RANBP3: variants seen among roughly 807,000 people sequenced by gnomAD.
RANBP3 encodes RAN binding protein 3.
RANBP3 carries 14 observed loss-of-function variants against 77.3 expected under a neutral mutation model. That is an observed-to-expected ratio of 0.18 (90% CI 0.12 to 0.28). The LOEUF (loss-of-function observed/expected upper bound fraction) is 0.28. Among genes scored for constraint, RANBP3 ranks in the 10% least tolerant of loss-of-function variants. The pLI is 1.00. For synonymous variants in RANBP3, 315 were observed against 312.4 expected (o/e 1.01, Z -0.09); for missense variants, 586 against 752.3 (o/e 0.78, Z 2.59).
At chr19:5,948,389 C>CT (rs762966656) in intron 3 of RANBP3, among the ~76,000 whole-genome samples, 1 of 151,268 alleles carries the variant, frequency 6.6e-6, no homozygotes, top group Non-Finnish European at 1.5e-5. Flanking sequence ...GGAGGCGGAG[C>CT]TTGCAGTGAG....
At chr19:5,941,277 C>T in intron 5 of RANBP3, among the ~76,000 whole-genome samples, 1 of 152,220 alleles carries the variant, frequency 6.6e-6, no homozygotes, top group African/African-American at 2.4e-5. Flanking sequence ...AACCCCCAGT[C>T]TGTGTCCAGC....
At chr19:5,976,172 CCTAA>C (rs761866358) in intron 1 of RANBP3, among the ~76,000 whole-genome samples, 8 of 152,228 alleles carry the variant, frequency 5.3e-5, no homozygotes, top group South Asian at 2.1e-4. Flanking sequence ...AATGGACCTG[CCTAA>C]CTAACTACAA....
intron 2 of RANBP3, among the ~76,000 whole-genome samples, chr19:5,956,161 C>A (rs1434906430): frequency 6.6e-6 from 1 of 152,098 alleles, no homozygotes; most frequent in East Asian, 1.9e-4. Flanking sequence ...AACAAAAAAA[C>A]ACAGGTGGCA....
chr19:5,927,140 T>C (rs535551224), intron 9 of RANBP3, among the ~76,000 whole-genome samples: 4 of 152,234 alleles, frequency 2.6e-5, no homozygotes, highest in East Asian at 3.9e-4. Flanking sequence ...CCAGTGGAGC[T>C]GCTAGAGATG....
At chr19:5,927,179 G>GTTCCCA (rs2057922801) in intron 9 of RANBP3, among the ~76,000 whole-genome samples, 1 of 152,166 alleles carries the variant, frequency 6.6e-6, no homozygotes, top group Non-Finnish European at 1.5e-5. Context: ...CTGTGGCTGG[G>GTTCCCA]AAAGGTGGTG....
Position 5,951,611 on chromosome 19 carries a change from G to C in RANBP3, c.79-15C>G. ...TCTGCAGGGGACTGGGAGCAAAAAA[G>C]ACAATTTTCCTTCAATGTGAATAAA... On this transcript the variant is annotated splice_polypyrimidine_tract_variant and intron_variant, in intron 2 of 16. Coordinates refer to ENST00000340578, the MANE Select transcript of RANBP3 (RefSeq NM_007322.3). 1 of 1,608,374 alleles carries C rather than the reference G, an allele frequency of 6.2e-7. No individual in the cohort carries two copies. Among genetic ancestry groups the C allele is most frequent in the Non-Finnish European group, 8.5e-7 (1 of 1,177,142 alleles).
chr19:5,964,946 C>A (rs1181118486), intron 1 of RANBP3, among the ~76,000 whole-genome samples: 1 of 151,418 alleles, frequency 6.6e-6, no homozygotes, highest in African/African-American at 2.4e-5. Flanking sequence ...TGTAGAAGCT[C>A]CTAGGAAGGA....
intron 3 of RANBP3, among the ~76,000 whole-genome samples, chr19:5,947,585 A>C (rs969291687): frequency 6.6e-6 from 1 of 152,228 alleles, no homozygotes; most frequent in African/African-American, 2.4e-5. Flanking sequence ...GCAGAAGAGA[A>C]AGAAGACCAG....
At chr19:5,935,461 G>A (rs1264087578) in intron 5 of RANBP3, among the ~76,000 whole-genome samples, 1 of 152,248 alleles carries the variant, frequency 6.6e-6, no homozygotes, top group African/African-American at 2.4e-5. Context: ...TGCAGAAGAC[G>A]ACTGGCAATT....
chr19:5,931,375 A>G (rs1224330758), intron 8 of RANBP3, 29 bp downstream of exon 8: 2 of 1,587,544 alleles, frequency 1.3e-6, no homozygotes, highest in East Asian at 2.3e-5. Context: ...CCTAGCATGC[A>G]GCGCTTCCCT....
chr19:5,972,633 G>A (rs1210559921), intron 1 of RANBP3, among the ~76,000 whole-genome samples: 2 of 152,086 alleles, frequency 1.3e-5, no homozygotes, highest in Non-Finnish European at 2.9e-5. Context: ...TTTGAGGAAC[G>A]GCGCTCTCTT....
chr19:5,949,795 G>A (rs143538445), intron 3 of RANBP3, among the ~76,000 whole-genome samples: 444 of 152,266 alleles, frequency 2.9e-3, no homozygotes, highest in Middle Eastern at 0.014. Context: ...ATGTGGACGA[G>A]GTGAGGCCCC....
chr19:5,927,839 G>T lies in RANBP3; in HGVS notation c.813+129C>A, dbSNP rs1315654595. 8 of 1,228,054 alleles carry T rather than the reference G, an allele frequency of 6.5e-6. No individual in the cohort carries two copies. The African/African-American group carries it at 1.2e-4, about 19-fold the overall frequency. The allele number at this position is 1,228,054 out of a possible 1,614,324, so 76.1% of individuals were successfully genotyped here. Reference sequence around the variant, plus strand: ...AGCAGACTGTGCCGTGAGCCATGGGGCTGCCTCGCTAACACCTTCTTTGTC... The same window carrying T: ...AGCAGACTGTGCCGTGAGCCATGGGTCTGCCTCGCTAACACCTTCTTTGTC... On this transcript the variant is annotated intron_variant, in intron 9 of 16. Transcript: ENST00000340578.
At chr19:5,956,408 C>T (rs1228535549) in intron 2 of RANBP3, among the ~76,000 whole-genome samples, 1 of 152,152 alleles carries the variant, frequency 6.6e-6, no homozygotes, top group African/African-American at 2.4e-5. Context: ...AAAGCCACGT[C>T]ATTAAGCTGT....
At chr19:5,927,872 C>A in intron 9 of RANBP3, 96 bp downstream of exon 9, 1 of 1,475,720 alleles carries the variant, frequency 6.8e-7, no homozygotes, top group Non-Finnish European at 9.1e-7. Context: ...GTCCCACGCT[C>A]CCCTCCCCTG....
rs776043258 is a variant in RANBP3, at chr19:5,921,259, C to T, written c.1272G>A (p.Gly424=). The change falls in exon 14 of 17, where the codon GGG becomes GGA. Residue 424 remains glycine (G), a synonymous_variant. Coordinates refer to ENST00000340578, the MANE Select transcript of RANBP3 (RefSeq NM_007322.3). This position sits in a 1 kb window ranked among gnomAD's most constrained non-coding sequence, Gnocchi z 5.3. The part of the protein sequence containing the change: ...TSQSWVERGR[G]LLRLNDMAST... Reference sequence around the variant, plus strand: ...ACGCCATGTCATTGAGTCTGAGCAGCCCCCGGCCTCTCTCCACCCAGGACT... The same window carrying T: ...ACGCCATGTCATTGAGTCTGAGCAGTCCCCGGCCTCTCTCCACCCAGGACT... 41 of 1,613,222 alleles carry T rather than the reference C, an allele frequency of 2.5e-5. No individual in the cohort carries two copies. Among genetic ancestry groups the T allele is most frequent in the Non-Finnish European group, 2.9e-5 (34 of 1,179,762 alleles).
Position 5,918,547 on chromosome 19 carries a change from G to A in RANBP3, c.1422C>T (p.Arg474=). Residue 474 remains arginine, a synonymous_variant, in exon 15 of 17, where the codon CGC becomes CGT. Coordinates refer to ENST00000340578, the MANE Select transcript of RANBP3 (RefSeq NM_007322.3). ...GGTCCTCGGTGTCCATGGCTGTGAT[G>A]CGAATGCTCTTCTCGCTGGCCTTGT... ...QIDKASEKSI[R]ITAMDTEDQG... 1 of 1,613,552 alleles carries A rather than the reference G, an allele frequency of 6.2e-7. No individual in the cohort carries two copies. The highest frequency in any genetic ancestry group is 8.5e-7 in the Non-Finnish European group (1 of 1,179,890).
At chr19:5,936,374 G>A (rs542059162) in intron 5 of RANBP3, among the ~76,000 whole-genome samples, 1 of 152,188 alleles carries the variant, frequency 6.6e-6, no homozygotes, top group Admixed American at 6.5e-5. Flanking sequence ...GAAAGTAAGA[G>A]ATCATGTGGA....
intron 12 of RANBP3, 85 bp from the exon 13 acceptor site, chr19:5,923,388 T>G: frequency 1.4e-6 from 2 of 1,387,090 alleles, no homozygotes; most frequent in East Asian, 2.3e-5. Context: ...GATGAGAGGG[T>G]TGGTTCTGGT....
Sources: allele counts gnomAD v4.1 joint callset (sites outside exome capture counted in the v4.1 genomes callset), GRCh38; gene constraint gnomAD v4.1.1; non-coding constraint Gnocchi (gnomAD v3.1); transcripts MANE v1.5; gene names NCBI Gene and HGNC (gene_info 2026-07-23, HGNC 2026-07-21).